TYR: variants seen among roughly 807,000 people sequenced by gnomAD.
TYR encodes the protein tyrosinase.
TYR carries 58 observed loss-of-function variants against 51.5 expected under a neutral mutation model. The ratio of observed to expected loss-of-function variants is 1.13; its 90% CI spans 0.91 to 1.40. The LOEUF (loss-of-function observed/expected upper bound fraction) is 1.40, where lower values mean the gene tolerates loss of function less well. Ranked by LOEUF, TYR falls within the 40% of genes most tolerant of loss-of-function variation. The pLI is 0.00. For synonymous variants in TYR, 263 were observed against 235.2 expected (o/e 1.12, Z -1.08); for missense variants, 732 against 647.4 (o/e 1.13, Z -1.42).
chr11:89,283,433 C>A (rs1349574290), intron 3 of TYR, among the ~76,000 whole-genome samples: 3 of 151,790 alleles, frequency 2.0e-5, no homozygotes, highest in Non-Finnish European at 4.4e-5. Context: ...TTTTTCAATA[C>A]CACCTTTTCT....
intron 1 of TYR, among the ~76,000 whole-genome samples, chr11:89,183,310 GA>G (rs1270717753): frequency 5.3e-5 from 8 of 151,398 alleles, no homozygotes; most frequent in South Asian, 2.1e-4. Context: ...CGTTGAAATA[GA>G]AAAAAAACAG....
At chr11:89,237,383 G>A (rs900658589) in intron 3 of TYR, among the ~76,000 whole-genome samples, 4 of 151,948 alleles carry the variant, frequency 2.6e-5, no homozygotes, top group African/African-American at 9.7e-5. Context: ...TTTATATATG[G>A]TGTGAGATAA....
chr11:89,207,997 G>C (rs7924785), intron 2 of TYR, among the ~76,000 whole-genome samples: 3,447 of 152,234 alleles, frequency 0.023, 121 homozygotes, highest in African/African-American at 0.077. Flanking sequence ...GGCCAGGGGC[G>C]GTGGCTCACG....
At chr11:89,233,016 AG>A (rs1944071275) in intron 3 of TYR, among the ~76,000 whole-genome samples, 1 of 143,198 alleles carries the variant, frequency 7.0e-6, no homozygotes, top group Non-Finnish European at 1.5e-5. Context: ...CTTTCACAAA[AG>A]ATTTCTCTGT....
chr11:89,293,438 C>T (rs948935436), intron 4 of TYR, among the ~76,000 whole-genome samples: 8 of 151,840 alleles, frequency 5.3e-5, no homozygotes, highest in African/African-American at 1.9e-4. Flanking sequence ...TTTTCCCCGA[C>T]ATTTAGAAAT....
rs1943925302 is a variant in TYR, at chr11:89,222,520, C to T, written c.1037-5303C>T. Among the ~76,000 whole-genome samples the T allele has an allele frequency of 2.6e-5, 4 of 152,122 alleles. No individual in the cohort carries two copies. The South Asian group carries it at 8.3e-4, about 32-fold the overall frequency. ...TTGGGAGGCCAGGGCAGGTGGATCACCTGAGGTCAGTAGTTTGAGATTAGT... is the reference window on the plus strand; with the variant it reads ...TTGGGAGGCCAGGGCAGGTGGATCATCTGAGGTCAGTAGTTTGAGATTAGT... On this transcript the variant is annotated intron_variant, in intron 2 of 4. Transcript: ENST00000263321.
At chr11:89,189,175 C>T (rs1485994531) in intron 1 of TYR, among the ~76,000 whole-genome samples, 1 of 152,072 alleles carries the variant, frequency 6.6e-6, no homozygotes, top group African/African-American at 2.4e-5. Flanking sequence ...GCCATCACAA[C>T]ACTGCCATTT....
At chr11:89,244,544 T>C (rs1293038941) in intron 3 of TYR, among the ~76,000 whole-genome samples, 2 of 152,240 alleles carry the variant, frequency 1.3e-5, no homozygotes, top group Non-Finnish European at 2.9e-5. Flanking sequence ...TATTTTGTCT[T>C]ATGCTACACA....
At chr11:89,189,176 A>G (rs931815316) in intron 1 of TYR, among the ~76,000 whole-genome samples, 2 of 152,076 alleles carry the variant, frequency 1.3e-5, no homozygotes, top group African/African-American at 2.4e-5. Flanking sequence ...CCATCACAAC[A>G]CTGCCATTTA....
rs577203776 is a variant in TYR at position 89,225,779 on chromosome 11, T to C, written c.1037-2044T>C. 6.6e-5 allele frequency among the ~76,000 whole-genome samples: 10 copies of C among 151,634 alleles called. No individual in the cohort carries two copies. In the South Asian group the frequency reaches 2.1e-3, roughly 31 times the overall value. On this transcript the variant is annotated intron_variant, in intron 2 of 4. Transcript: ENST00000263321. ...GATTATGATTAAAACAATTTGATAG[T>C]ACAGTAGGAAAATTATAGTTAACAA...
chr11:89,225,326 C>T (rs1943963417), intron 2 of TYR, among the ~76,000 whole-genome samples: 2 of 151,788 alleles, frequency 1.3e-5, no homozygotes, highest in Non-Finnish European at 2.9e-5. Context: ...GTATACCATA[C>T]ATTATTATTA....
intron 4 of TYR, among the ~76,000 whole-genome samples, chr11:89,293,342 C>T (rs1590908028): frequency 1.4e-5 from 1 of 72,010 alleles, no homozygotes. Flanking sequence ...TGCATACACA[C>T]ACACACACAC....
chr11:89,224,976 A>T (rs912807587), intron 2 of TYR, among the ~76,000 whole-genome samples: 1 of 152,044 alleles, frequency 6.6e-6, no homozygotes, highest in Non-Finnish European at 1.5e-5. Flanking sequence ...TTTAGCTCAA[A>T]TGAGTTCAAA....
chr11:89,267,251 A>C (rs1293066440), intron 3 of TYR, among the ~76,000 whole-genome samples: 2 of 151,976 alleles, frequency 1.3e-5, no homozygotes, highest in East Asian at 1.9e-4. Context: ...ACATATGCTC[A>C]GTTTGAACTT....
At position 89,191,460 on chromosome 11, in the gene TYR, A is replaced by T. The variant is rs755221440; in HGVS notation, c.1036+42A>T. ...CACTTTTAATTTTTTTTCTGAATTC[A>T]TATTTACAGTCTCTTATCCAAAGTC... On this transcript the variant is annotated intron_variant, in intron 2 of 4. Transcript: ENST00000263321. 8 of 1,574,766 alleles carry T rather than the reference A, an allele frequency of 5.1e-6. No individual in the cohort carries two copies. The East Asian group carries it at 1.8e-4, about 35-fold the overall frequency.
chr11:89,244,392 C>T (rs1458080008), intron 3 of TYR, among the ~76,000 whole-genome samples: 2 of 152,046 alleles, frequency 1.3e-5, no homozygotes, highest in Non-Finnish European at 2.9e-5. Flanking sequence ...GAAATGCCCT[C>T]TCAGCTTAGC....
intron 3 of TYR, among the ~76,000 whole-genome samples, chr11:89,257,811 A>G (rs796997515): frequency 3.5e-4 from 53 of 152,070 alleles, no homozygotes; most frequent in African/African-American, 1.3e-3. Context: ...TTTCCCAGAG[A>G]ATTTGAATTC....
intron 2 of TYR, among the ~76,000 whole-genome samples, chr11:89,193,351 A>G (rs1441495635): frequency 1.3e-5 from 2 of 152,134 alleles, no homozygotes; most frequent in East Asian, 3.9e-4. Flanking sequence ...GTGGCTCAAG[A>G]TGTGTCAACT....
chr11:89,206,614 C>T (rs991289446), intron 2 of TYR, among the ~76,000 whole-genome samples: 1 of 152,222 alleles, frequency 6.6e-6, no homozygotes, highest in African/African-American at 2.4e-5. Context: ...AACTTAACAC[C>T]ATCAGCCAGA....
Sources: allele counts gnomAD v4.1 joint callset (sites outside exome capture counted in the v4.1 genomes callset), GRCh38; gene constraint gnomAD v4.1.1; transcripts MANE v1.5; gene names NCBI Gene and HGNC (gene_info 2026-07-23, HGNC 2026-07-21).